Variants in PARD3 observed in about 807,000 individuals in gnomAD.
PARD3 encodes partitioning defective 3 homolog.
Under a neutral mutation model 155.4 loss-of-function variants are expected in PARD3, and 75 were observed. The ratio of observed to expected loss-of-function variants is 0.48; its 90% CI spans 0.40 to 0.58. PARD3 has a LOEUF of 0.58. Ranked by LOEUF, PARD3 falls within the 20% of genes least tolerant of loss-of-function variation. The pLI is 0.00. For missense variants in PARD3, 1,642 were observed against 1,721.7 expected (o/e 0.95, Z 0.82); for synonymous variants, 576 against 610.5 (o/e 0.94, Z 0.83).
chr10:34,494,255 T>C (rs2080122370), intron 3 of PARD3, among the ~76,000 whole-genome samples: 2 of 152,170 alleles, frequency 1.3e-5, no homozygotes, highest in South Asian at 4.1e-4. Context: ...AGAGAAGTTT[T>C]ACCAGACAAA....
intron 2 of PARD3, among the ~76,000 whole-genome samples, chr10:34,615,886 C>T (rs1288059348): frequency 6.6e-6 from 1 of 152,114 alleles, no homozygotes; most frequent in African/African-American, 2.4e-5. Context: ...CAAAACCACA[C>T]TGTGATGTCA....
intron 1 of PARD3, among the ~76,000 whole-genome samples, chr10:34,700,240 A>C (rs1220228084): frequency 2.0e-5 from 3 of 152,190 alleles, no homozygotes; most frequent in Non-Finnish European, 4.4e-5. Flanking sequence ...CACTGCTCTT[A>C]TTCAGATAAA....
intron 1 of PARD3, among the ~76,000 whole-genome samples, chr10:34,727,913 C>A: frequency 6.6e-6 from 1 of 151,356 alleles, no homozygotes; most frequent in Admixed American, 6.6e-5. Flanking sequence ...CACACCACTT[C>A]CATCCAACCC....
chr10:34,814,852 C>G (rs1310242473), intron 1 of PARD3, 24 bp downstream of exon 1: 1 of 1,465,980 alleles, frequency 6.8e-7, no homozygotes, highest in Non-Finnish European at 9.2e-7. Flanking sequence ...CGCCCCCTCC[C>G]CGCCCGCGCC....
chr10:34,642,187 C>T (rs1216249394), intron 2 of PARD3, among the ~76,000 whole-genome samples: 2 of 152,114 alleles, frequency 1.3e-5, no homozygotes, highest in East Asian at 3.9e-4. Context: ...CAGTCCCTGC[C>T]TTCCTGAGCC....
intron 2 of PARD3, among the ~76,000 whole-genome samples, chr10:34,674,688 C>T (rs17601419): frequency 8.6e-5 from 13 of 151,812 alleles, no homozygotes; most frequent in African/African-American, 2.7e-4. Context: ...GGTTTCACCA[C>T]GTTGGCCAGG....
At chr10:34,754,130 T>C (rs10827416) in intron 1 of PARD3, among the ~76,000 whole-genome samples, 32,971 of 152,026 alleles carry the variant, frequency 0.22, 4,699 homozygotes, top group East Asian at 0.54. Context: ...CATCTCAGCC[T>C]CCTGAATAGC....
At position 34,814,942 on chromosome 10, in the gene PARD3, G is replaced by A; in HGVS notation, c.54C>T (p.Asp18=). ...GRTRVVVPCG[D]GHMKVFSLIQ... ...TGAGGCTGAAAACTTTCATGTGGCC[G>A]TCCCCGCACGGCACGACCACCCGGG... The change falls in exon 1 of 25, where the codon GAC becomes GAT. Residue 18 remains aspartate (D), a synonymous_variant. Coordinates refer to ENST00000374788, the MANE Select transcript of PARD3 (RefSeq NM_001184785.2). The A allele has an allele frequency of 1.3e-6, 2 of 1,564,036 alleles. No homozygotes were observed. Among genetic ancestry groups the A allele is most frequent in the Non-Finnish European group, 1.7e-6 (2 of 1,157,322 alleles).
chr10:34,312,353 C>T, intron 20 of PARD3: 1 of 1,612,466 alleles, frequency 6.2e-7, no homozygotes, highest in Non-Finnish European at 8.5e-7. Flanking sequence ...CTTTGTTGTT[C>T]ATCTCTTCTC....
intron 2 of PARD3, among the ~76,000 whole-genome samples, chr10:34,609,609 C>T (rs2048609056): frequency 6.6e-6 from 1 of 152,186 alleles, no homozygotes; most frequent in Non-Finnish European, 1.5e-5. Flanking sequence ...GGGGCACAAT[C>T]ATAGCTCGCT....
intron 1 of PARD3, among the ~76,000 whole-genome samples, chr10:34,785,424 A>G (rs916982883): frequency 4.6e-5 from 7 of 151,940 alleles, no homozygotes. Context: ...AAGTAAAAGC[A>G]TTTTTTGCAT....
chr10:34,440,250 G>C (rs552687209), intron 5 of PARD3, among the ~76,000 whole-genome samples: 1 of 152,170 alleles, frequency 6.6e-6, no homozygotes, highest in Non-Finnish European at 1.5e-5. Context: ...AAATGTTAAT[G>C]CAATTTCATA....
chr10:34,111,188 C>T lies in PARD3; in HGVS notation c.4043G>A (p.Gly1348Glu), dbSNP rs766738242. 6.4e-7 allele frequency: 1 copy of T among 1,557,698 alleles called. No homozygotes were observed. Among genetic ancestry groups the T allele is most frequent in the South Asian group, 1.2e-5 (1 of 85,076 alleles). Residue 1348 changes from glycine to glutamate, a missense_variant, in exon 25 of 25, where the codon GGG becomes GAG. By Grantham distance (98) the Gly-to-Glu change is moderately conservative. Coordinates refer to ENST00000374788, the MANE Select transcript of PARD3 (RefSeq NM_001184785.2). Reference sequence around the variant, plus strand: ...GCGTGCTCAGGAATAGAAGGGCCTCCCTTTCTCAGGAGTCTGAAGTCTGTT... The same window carrying T: ...GCGTGCTCAGGAATAGAAGGGCCTCTCTTTCTCAGGAGTCTGAAGTCTGTT... ...RLNRLQTPEK[G>E]RPFYS
At chr10:34,331,043 A>T in intron 19 of PARD3, 74 bp downstream of exon 19, 1 of 1,144,954 alleles carries the variant, frequency 8.7e-7, no homozygotes. Context: ...AGAAAACTCC[A>T]GGGCTCCCTG....
chr10:34,751,649 G>A lies in PARD3; in HGVS notation c.121-55230C>T, dbSNP rs550967091. 3.3e-5 allele frequency among the ~76,000 whole-genome samples: 5 copies of A among 152,204 alleles called. No homozygotes were observed. The South Asian group carries it at 1.0e-3, about 32-fold the overall frequency. On this transcript the variant is annotated intron_variant, in intron 1 of 24. Coordinates refer to ENST00000374788, the MANE Select transcript of PARD3 (RefSeq NM_001184785.2). ...GATGGGGTCTTGCTCTATGACCCAG[G>A]CTAGAGTGTTGTGGGGCCATCATAC...
chr10:34,409,456 C>T (rs1241832138), intron 5 of PARD3, among the ~76,000 whole-genome samples: 3 of 152,200 alleles, frequency 2.0e-5, no homozygotes, highest in African/African-American at 7.2e-5. Context: ...ATGATTCACA[C>T]AGGAAGATTT....
At chr10:34,213,551 A>G (rs1172959246) in intron 22 of PARD3, among the ~76,000 whole-genome samples, 1 of 152,212 alleles carries the variant, frequency 6.6e-6, no homozygotes, top group Non-Finnish European at 1.5e-5. Flanking sequence ...TGGAAAGCCT[A>G]TTGGTCTAAC....
intron 2 of PARD3, among the ~76,000 whole-genome samples, chr10:34,530,102 A>G (rs886595822): frequency 7.9e-5 from 12 of 152,260 alleles, no homozygotes; most frequent in Admixed American, 2.6e-4. Context: ...CATCATCTTC[A>G]TGAGGAAGAA....
chr10:34,242,613 T>C (rs1412203926), intron 22 of PARD3, among the ~76,000 whole-genome samples: 1 of 152,192 alleles, frequency 6.6e-6, no homozygotes, highest in African/African-American at 2.4e-5. Flanking sequence ...AACAAAAGTA[T>C]GAACTACCTC....
Sources: allele counts gnomAD v4.1 joint callset (sites outside exome capture counted in the v4.1 genomes callset), GRCh38; gene constraint gnomAD v4.1.1; transcripts MANE v1.5; gene names NCBI Gene and HGNC (gene_info 2026-07-23, HGNC 2026-07-21).